The following BCL2 variants were observed in gnomAD, a reference collection of about 807,000 sequenced individuals.
The protein encoded by BCL2 is apoptosis regulator Bcl-2.
A neutral mutation model predicts 14.2 loss-of-function variants in BCL2; 1 was observed. The ratio of observed to expected loss-of-function variants is 0.07; its 90% confidence interval spans 0.02 to 0.33. BCL2 has a LOEUF of 0.33. Ranked by LOEUF, BCL2 falls within the 10% of genes least tolerant of loss-of-function variation. The probability of loss-of-function intolerance (pLI) is 0.99; values close to 1 mark genes in which losing one functional copy is unlikely to be tolerated. For synonymous variants in BCL2, 151 were observed against 137.2 expected (o/e 1.10, Z -0.70); for missense variants, 247 against 305.9 (o/e 0.81, Z 1.44).
chr18:63,258,877 T>C (rs1295329341), intron 2 of BCL2, among the ~76,000 whole-genome samples: 1 of 152,240 alleles, frequency 6.6e-6, no homozygotes, highest in Non-Finnish European at 1.5e-5. Context: ...AAGAACCGAC[T>C]AAAGGGAAAA....
At position 63,319,665 on chromosome 18, in the gene BCL2, C is replaced by A. The variant is rs1452538517; in HGVS notation, c.-778G>T. On this transcript the variant is annotated 5_prime_UTR_variant, in exon 1 of 3. Transcript: ENST00000333681. ...CCTCTTCTGATTAAACTCCGAACAGCAAATGCATTTTCCGAAAAGCTGCTG... is the reference window on the plus strand; with the variant it reads ...CCTCTTCTGATTAAACTCCGAACAGAAAATGCATTTTCCGAAAAGCTGCTG... 4.6e-6 allele frequency: 1 copy of A among 219,748 alleles called. No homozygotes were observed. Among genetic ancestry groups the A allele is most frequent in the Non-Finnish European group, 9.1e-6 (1 of 109,508 alleles). The allele number at this position is 219,748 out of a possible 1,614,324, so 13.6% of individuals were successfully genotyped here.
At chr18:63,238,953 C>A (rs978490154) in intron 2 of BCL2, among the ~76,000 whole-genome samples, 8 of 152,286 alleles carry the variant, frequency 5.3e-5, no homozygotes, top group Non-Finnish European at 1.0e-4. Context: ...GAGAGCAGAG[C>A]CCCTGGAGAG....
At chr18:63,229,190 T>C (rs941145127) in intron 2 of BCL2, among the ~76,000 whole-genome samples, 1 of 152,124 alleles carries the variant, frequency 6.6e-6, no homozygotes, top group African/African-American at 2.4e-5. Context: ...TATTTATTTA[T>C]ATTTTATTTT....
rs1403201450 is a variant in BCL2 at position 63,123,949 on chromosome 18, C to A, written c.*4676G>T. ...TTGATTGAGCGAGCCTTTCCATCCT[C>A]CACCAGTGTTCCCATCTTCTGTGCT... On this transcript the variant is annotated 3_prime_UTR_variant, in exon 3 of 3. Coordinates refer to ENST00000333681, the MANE Select transcript of BCL2 (RefSeq NM_000633.3). 4.5e-6 allele frequency: 1 copy of A among 221,252 alleles called. No homozygotes were observed. The highest frequency in any genetic ancestry group is 6.5e-5 in the East Asian group (1 of 15,282). The allele number at this position is 221,252 out of a possible 1,614,324, so 13.7% of individuals were successfully genotyped here.
intron 2 of BCL2, among the ~76,000 whole-genome samples, chr18:63,286,943 G>C (rs1912491558): frequency 6.6e-6 from 1 of 152,116 alleles, no homozygotes; most frequent in South Asian, 2.1e-4. Context: ...CTGAACTACA[G>C]GTCTCCCGAG....
At position 63,199,990 on chromosome 18, in the gene BCL2, T is replaced by A. The variant is rs574163254; in HGVS notation, c.586-71231A>T. Among the ~76,000 whole-genome samples the A allele has an allele frequency of 2.0e-5, 3 of 152,078 alleles. No homozygotes were observed. In the South Asian group the frequency reaches 6.2e-4, roughly 32 times the overall value. ...CGAAGGATATTTTCAAGCAAGCCAG[T>A]CTCTCATGAACTTTTCAAGGCTCAG... is the stretch of plus-strand genomic sequence containing the variant. On this transcript the variant is annotated intron_variant, in intron 2 of 2. Coordinates refer to ENST00000333681, the MANE Select transcript of BCL2 (RefSeq NM_000633.3).
chr18:63,156,008 A>G (rs1402254622), intron 2 of BCL2, among the ~76,000 whole-genome samples: 4 of 141,346 alleles, frequency 2.8e-5, no homozygotes, highest in Non-Finnish European at 6.0e-5. Context: ...TTCTTGCTTG[A>G]GGGCATTTCT....
At chr18:63,241,490 A>G (rs906629992) in intron 2 of BCL2, among the ~76,000 whole-genome samples, 1 of 152,028 alleles carries the variant, frequency 6.6e-6, no homozygotes, top group Admixed American at 6.6e-5. Flanking sequence ...ACTTGATATG[A>G]TAAGATCTCA....
chr18:63,236,845 G>A (rs933222440), intron 2 of BCL2, among the ~76,000 whole-genome samples: 1 of 152,180 alleles, frequency 6.6e-6, no homozygotes, highest in African/African-American at 2.4e-5. Context: ...GTCCGGGACA[G>A]GTCCCTTTTC....
At chr18:63,170,813 C>T (rs1275597033) in intron 2 of BCL2, among the ~76,000 whole-genome samples, 1 of 152,220 alleles carries the variant, frequency 6.6e-6, no homozygotes, top group Non-Finnish European at 1.5e-5. Context: ...ATTAATCAGG[C>T]TTGTCATGGA....
intron 2 of BCL2, among the ~76,000 whole-genome samples, chr18:63,222,602 G>A (rs1910428654): frequency 6.6e-6 from 1 of 152,196 alleles, no homozygotes; most frequent in Non-Finnish European, 1.5e-5. Flanking sequence ...ATCACTCAAT[G>A]GAAAGGTTAG....
intron 2 of BCL2, among the ~76,000 whole-genome samples, chr18:63,305,155 G>A (rs955831848): frequency 1.1e-4 from 16 of 152,316 alleles, no homozygotes; most frequent in Middle Eastern, 3.4e-3. Flanking sequence ...CATGAGAAAC[G>A]CTGCAAAGGC....
chr18:63,295,292 T>C (rs1293345389), intron 2 of BCL2, among the ~76,000 whole-genome samples: 1 of 152,080 alleles, frequency 6.6e-6, no homozygotes, highest in Non-Finnish European at 1.5e-5. Context: ...TACTACAATA[T>C]GTATGTATTG....
chr18:63,196,091 A>G (rs1909437107), intron 2 of BCL2, among the ~76,000 whole-genome samples: 1 of 152,184 alleles, frequency 6.6e-6, no homozygotes, highest in Non-Finnish European at 1.5e-5. Context: ...CTATTTGTCG[A>G]AGTGTCTTAT....
chr18:63,224,939 T>A (rs1010147352), intron 2 of BCL2, among the ~76,000 whole-genome samples: 2 of 151,682 alleles, frequency 1.3e-5, no homozygotes, highest in Non-Finnish European at 2.9e-5. Flanking sequence ...CAAAGGGAAG[T>A]TCTAGAATAA....
chr18:63,209,960 TGGTGCATGA>T, intron 2 of BCL2, among the ~76,000 whole-genome samples: 2 of 152,176 alleles, frequency 1.3e-5, no homozygotes, highest in African/African-American at 4.8e-5. Flanking sequence ...CTGCTGAAAT[TGGTGCATGA>T]TCCCCTCAAA....
chr18:63,228,156 T>C (rs1910597583), intron 2 of BCL2, among the ~76,000 whole-genome samples: 1 of 152,214 alleles, frequency 6.6e-6, no homozygotes, highest in Non-Finnish European at 1.5e-5. Flanking sequence ...CCTGCTGTTC[T>C]GACCTAATGA....
intron 2 of BCL2, chr18:63,316,971 T>A (rs895249101): frequency 6.6e-6 from 1 of 152,178 alleles, no homozygotes; most frequent in Non-Finnish European, 1.5e-5. Flanking sequence ...AATTACTTTT[T>A]CATAAATTCA....
At chr18:63,162,679 C>T (rs924466264) in intron 2 of BCL2, among the ~76,000 whole-genome samples, 6 of 152,152 alleles carry the variant, frequency 3.9e-5, no homozygotes, top group Non-Finnish European at 8.8e-5. Flanking sequence ...CTAGCACCAT[C>T]TATGCTCTTG....
Sources: allele counts gnomAD v4.1 joint callset (sites outside exome capture counted in the v4.1 genomes callset), GRCh38; gene constraint gnomAD v4.1.1; transcripts MANE v1.5; gene names NCBI Gene and HGNC (gene_info 2026-07-23, HGNC 2026-07-21).